MED15: variants seen among roughly 807,000 people sequenced by gnomAD.
The protein encoded by MED15 is mediator complex subunit 15, also known as mediator of RNA polymerase II transcription subunit 15.
A neutral mutation model predicts 118.7 loss-of-function variants in MED15; 41 were observed. That is an observed-to-expected ratio of 0.35 (90% CI 0.27 to 0.45). The LOEUF is 0.45. Ranked by LOEUF, MED15 falls within the 20% of genes least tolerant of loss-of-function variation. The probability of loss-of-function intolerance (pLI) is 1.00; values close to 1 mark genes in which losing one functional copy is unlikely to be tolerated. For synonymous variants in MED15, 436 were observed against 413.9 expected, an observed-to-expected ratio of 1.05 and a Z score of -0.65; for missense variants, 740 against 1,025.5, an observed-to-expected ratio of 0.72 and a Z score of 3.80.
chr22:20,515,325 A>G (rs912009920), intron 1 of MED15, among the ~76,000 whole-genome samples: 1 of 152,190 alleles, frequency 6.6e-6, no homozygotes, highest in African/African-American at 2.4e-5. Context: ...CCTAGAGGAG[A>G]GGCCACTGCT....
At chr22:20,528,016 C>T (rs2054719553) in intron 1 of MED15, among the ~76,000 whole-genome samples, 1 of 151,840 alleles carries the variant, frequency 6.6e-6, no homozygotes, top group Non-Finnish European at 1.5e-5. Context: ...GCCTCAGCCT[C>T]TGAAAGTACT....
chr22:20,507,783 A>G (rs757279589), intron 1 of MED15, 37 bp downstream of exon 1: 3 of 1,612,878 alleles, frequency 1.9e-6, no homozygotes, highest in South Asian at 2.2e-5. Flanking sequence ...GGATTGTGGG[A>G]CCTTCCTCCT....
At chr22:20,559,580 A>G (rs751443524) in intron 5 of MED15, among the ~76,000 whole-genome samples, 4 of 152,246 alleles carry the variant, frequency 2.6e-5, no homozygotes, top group Non-Finnish European at 5.9e-5. Context: ...GTGAGACTGC[A>G]GAGCACCAAA....
intron 9 of MED15, among the ~76,000 whole-genome samples, chr22:20,575,778 A>C (rs361981): frequency 0.061 from 9,228 of 150,748 alleles, 648 homozygotes; most frequent in East Asian, 0.38. Context: ...CAAAAAAAAA[A>C]CCTAAAAGTC....
Position 20,582,834 on chromosome 22 carries a change from C to T in MED15, c.1410-6C>T, listed in dbSNP as rs1288550004. 2 of 1,610,864 alleles carry T rather than the reference C, an allele frequency of 1.2e-6. No individual in the cohort carries two copies. Among genetic ancestry groups the T allele is most frequent in the Admixed American group, 1.7e-5 (1 of 59,898 alleles). ...CGGCTCACATGTTTCTCTCACTTGG[C>T]TGCAGCTCTGGCCCTGCCCCATCTC... On this transcript the variant is annotated splice_region_variant and splice_polypyrimidine_tract_variant and intron_variant, in intron 10 of 17. Transcript: ENST00000263205.
chr22:20,519,378 G>A (rs1333925969), intron 1 of MED15, among the ~76,000 whole-genome samples: 2 of 151,926 alleles, frequency 1.3e-5, no homozygotes, highest in Admixed American at 6.6e-5. Context: ...AGGGCAGTGA[G>A]TCCTTGGAGA....
chr22:20,521,086 C>CTTTT (rs1419116029), intron 1 of MED15, among the ~76,000 whole-genome samples: 6 of 100,710 alleles, frequency 6.0e-5, no homozygotes, highest in East Asian at 3.8e-4. Context: ...AGCAGTTGTT[C>CTTTT]TATTTTTTTT....
In MED15 at chr22:20,568,703, G is replaced by A. The variant is rs995956995; in HGVS notation, c.1152+72G>A. 3.2e-6 allele frequency: 5 copies of A among 1,560,976 alleles called. No individual in the cohort carries two copies. In the African/African-American group the frequency reaches 5.4e-5, roughly 17 times the overall value. On this transcript the variant is annotated intron_variant, in intron 8 of 17. Transcript: ENST00000263205. ...GTTCACCTGCGCATGTAGTGCTACA[G>A]TGAGGGTTCTGGTTGGATTAGGGGC...
chr22:20,526,967 C>T (rs761896526), intron 1 of MED15, among the ~76,000 whole-genome samples: 1 of 152,200 alleles, frequency 6.6e-6, no homozygotes, highest in Non-Finnish European at 1.5e-5. Context: ...TTTCTGGAGA[C>T]CATGCCAGTT....
rs1294720420 is a variant in MED15, at chr22:20,583,213, G to A, written c.1638G>A (p.Leu546=). Residue 546 remains leucine (L), a synonymous_variant, in exon 12 of 18, where the codon CTG becomes CTA. Transcript: ENST00000263205. ...LKQLSKYIEP[L]RRMINKIDKN... is the part of the protein sequence containing the mutation. ...AGCTGTCGAAGTACATCGAGCCCCT[G>A]CGCCGCATGATCAACAAGATCGACA... is the stretch of plus-strand genomic sequence containing the variant. 1 of 1,612,030 alleles carries A rather than the reference G, an allele frequency of 6.2e-7. No homozygotes were observed. Among genetic ancestry groups the A allele is most frequent in the African/African-American group, 1.3e-5 (1 of 74,904 alleles).
chr22:20,554,952 C>T lies in MED15; in HGVS notation c.255C>T (p.Leu85=), dbSNP rs772911083. 8 of 1,606,968 alleles carry T rather than the reference C, an allele frequency of 5.0e-6. No individual in the cohort carries two copies. Among genetic ancestry groups the T allele is most frequent in the Non-Finnish European group, 6.8e-6 (8 of 1,179,094 alleles). Reference sequence around the variant, plus strand: ...TTCCCACAGATCCTATGAATGCACTCCAGAGCCTGACTGGCGGACCTGCTG... The same window carrying T: ...TTCCCACAGATCCTATGAATGCACTTCAGAGCCTGACTGGCGGACCTGCTG... ...QASVSDPMNA[L]QSLTGGPAAG... The change falls in exon 5 of 18, where the codon CTC becomes CTT. Residue 85 remains leucine, a synonymous_variant. Coordinates refer to ENST00000263205, the MANE Select transcript of MED15 (RefSeq NM_001003891.3).
Position 20,585,137 on chromosome 22 carries a change from G to T in MED15, c.2001G>T (p.Glu667Asp). ...PVVCTRKRRL[E>D]DDERQSIPSV... Reference sequence around the variant, plus strand: ...TGTGCACCCGGAAGCGCAGGCTTGAGGATGATGAGCGGCAGAGCATCCCCA... The same window carrying T: ...TGTGCACCCGGAAGCGCAGGCTTGATGATGATGAGCGGCAGAGCATCCCCA... The change falls in exon 16 of 18, where the codon GAG becomes GAT. Residue 667 changes from glutamate (E) to aspartate (D), a missense_variant. This residue lies in a region of MED15 where 179 missense variants were observed against 259.0 expected (regional missense o/e 0.69). Transcript: ENST00000263205. 1 of 1,613,738 alleles carries T rather than the reference G, an allele frequency of 6.2e-7. No homozygotes were observed.
chr22:20,536,975 C>T (rs1204010438), intron 1 of MED15, 142 bp from the exon 2 acceptor site: 2 of 651,536 alleles, frequency 3.1e-6, no homozygotes, highest in Non-Finnish European at 2.6e-6. Flanking sequence ...CCATATGCCT[C>T]TCCTGGACCT....
intron 5 of MED15, among the ~76,000 whole-genome samples, chr22:20,563,380 C>T (rs375954828): frequency 5.3e-5 from 8 of 152,286 alleles, no homozygotes; most frequent in African/African-American, 1.9e-4. Flanking sequence ...AGAACTACAA[C>T]CTGTATGCTG....
At chr22:20,553,094 G>T (rs370466930) in intron 3 of MED15, 51 bp from the exon 4 acceptor site, 2 of 1,551,624 alleles carry the variant, frequency 1.3e-6, no homozygotes, top group Admixed American at 1.7e-5. Context: ...GAAATATGTG[G>T]TTATATAAAA....
chr22:20,585,060 G>A (rs764573123), intron 15 of MED15, 41 bp from the exon 16 acceptor site: 3 of 1,613,366 alleles, frequency 1.9e-6, no homozygotes, highest in Non-Finnish European at 2.5e-6. Flanking sequence ...GCCAGCCCTG[G>A]GCCGCGTGTG....
chr22:20,510,202 A>G lies in MED15; in HGVS notation c.68+2456A>G, dbSNP rs527338701. ...GAGACTGAGACCCATCCTGGCCAAC[A>G]CGGTGAAACCCTATCTCTACTAAAA... On this transcript the variant is annotated intron_variant, in intron 1 of 17. Transcript: ENST00000263205. 3.3e-5 allele frequency among the ~76,000 whole-genome samples: 5 copies of G among 152,228 alleles called. No homozygotes were observed. In the East Asian group the frequency reaches 9.6e-4, roughly 29 times the overall value.
At chr22:20,585,299 G>C in intron 16 of MED15, 32 bp downstream of exon 16, 1 of 1,605,692 alleles carries the variant, frequency 6.2e-7, no homozygotes, top group Non-Finnish European at 8.5e-7. Flanking sequence ...ACTGGTGTGG[G>C]AAAGCAGGCC....
intron 7 of MED15, among the ~76,000 whole-genome samples, chr22:20,568,233 A>C (rs2056513587): frequency 1.3e-5 from 2 of 151,394 alleles, no homozygotes; most frequent in Admixed American, 1.3e-4. Flanking sequence ...GAGGATGAGC[A>C]GGCTAGGCTG....
Sources: allele counts gnomAD v4.1 joint callset (sites outside exome capture counted in the v4.1 genomes callset), GRCh38; gene constraint gnomAD v4.1.1; regional missense constraint gnomAD v4.1.1; transcripts MANE v1.5; gene names NCBI Gene and HGNC (gene_info 2026-07-23, HGNC 2026-07-21).